PRKAR2B: variants seen among roughly 807,000 people sequenced by gnomAD.
The protein encoded by PRKAR2B is cAMP-dependent protein kinase type II-beta regulatory subunit.
Under a neutral mutation model 49.9 loss-of-function variants are expected in PRKAR2B, and 14 were observed. That is an observed-to-expected ratio of 0.28 (90% confidence interval 0.19 to 0.44). The LOEUF (loss-of-function observed/expected upper bound fraction) is 0.44. Ranked by LOEUF, PRKAR2B falls within the 20% of genes least tolerant of loss-of-function variation. PRKAR2B has a pLI of 1.00. For synonymous variants in PRKAR2B, 196 were observed against 197.7 expected (o/e 0.99, Z 0.07); for missense variants, 393 against 537.9 (o/e 0.73, Z 2.67).
At chr7:107,091,235 T>A (rs1337680327) in intron 2 of PRKAR2B, among the ~76,000 whole-genome samples, 1 of 152,198 alleles carries the variant, frequency 6.6e-6, no homozygotes, top group Non-Finnish European at 1.5e-5. Flanking sequence ...AGAGATAGTT[T>A]TATATGTGGT....
chr7:107,128,411 G>A (rs1378845523), intron 4 of PRKAR2B, 116 bp downstream of exon 4: 8 of 666,072 alleles, frequency 1.2e-5, no homozygotes, highest in Admixed American at 2.9e-5. Context: ...CTGGGGTGAT[G>A]GTAAAGGCCC....
chr7:107,126,450 A>G (rs1430290892), intron 3 of PRKAR2B, among the ~76,000 whole-genome samples: 3 of 149,998 alleles, frequency 2.0e-5, no homozygotes, highest in African/African-American at 7.4e-5. Context: ...AAAAGTCGTC[A>G]TTGGTACGAG....
intron 1 of PRKAR2B, among the ~76,000 whole-genome samples, chr7:107,048,359 AT>A (rs1463853561): frequency 1.3e-5 from 2 of 151,964 alleles, no homozygotes; most frequent in Admixed American, 6.5e-5. Context: ...CTTAAATGGA[AT>A]TTGTTCTGTG....
intron 1 of PRKAR2B, among the ~76,000 whole-genome samples, chr7:107,055,102 G>A (rs1793886312): frequency 6.6e-6 from 1 of 152,078 alleles, no homozygotes; most frequent in Non-Finnish European, 1.5e-5. Flanking sequence ...TGAGAATGAT[G>A]GTTTCCAGCT....
intron 3 of PRKAR2B, among the ~76,000 whole-genome samples, chr7:107,126,267 A>G (rs1314035425): frequency 6.8e-6 from 1 of 148,042 alleles, no homozygotes; most frequent in Non-Finnish European, 1.5e-5. Context: ...AAAAAAAAAA[A>G]AACCAAAGCC....
chr7:107,141,362 T>G (rs1795787173), intron 5 of PRKAR2B, among the ~76,000 whole-genome samples: 1 of 152,242 alleles, frequency 6.6e-6, no homozygotes, highest in Admixed American at 6.5e-5. Flanking sequence ...AGGTTCTTTT[T>G]TTATAAACTG....
intron 3 of PRKAR2B, among the ~76,000 whole-genome samples, chr7:107,122,294 C>T (rs2237656): frequency 0.39 from 59,836 of 151,968 alleles, 14,456 homozygotes; most frequent in Non-Finnish European, 0.51. Context: ...GACAGTGTTT[C>T]TAGTAAACAA....
At chr7:107,101,979 G>A (rs1794976281) in intron 2 of PRKAR2B, among the ~76,000 whole-genome samples, 1 of 144,900 alleles carries the variant, frequency 6.9e-6, no homozygotes. Context: ...TGCTTCTAAA[G>A]ATAGTTTTCA....
intron 4 of PRKAR2B, among the ~76,000 whole-genome samples, chr7:107,138,850 A>AT (rs1164752119): frequency 2.0e-5 from 3 of 151,690 alleles, no homozygotes; most frequent in Non-Finnish European, 2.9e-5. Flanking sequence ...TGCCCAGCTT[A>AT]TTTTTTTTGG....
intron 2 of PRKAR2B, among the ~76,000 whole-genome samples, chr7:107,090,273 G>A (rs1407020998): frequency 6.6e-6 from 1 of 152,154 alleles, no homozygotes; most frequent in Admixed American, 6.6e-5. Flanking sequence ...CTTGCGGCCA[G>A]CTACTTGCTC....
At chr7:107,086,223 A>G (rs912539684) in intron 2 of PRKAR2B, among the ~76,000 whole-genome samples, 9 of 152,010 alleles carry the variant, frequency 5.9e-5, no homozygotes, top group African/African-American at 1.9e-4. Context: ...CTGAGGTTCA[A>G]TGGCTTTGAG....
intron 2 of PRKAR2B, among the ~76,000 whole-genome samples, chr7:107,106,873 G>A (rs1341684334): frequency 6.6e-6 from 1 of 152,050 alleles, no homozygotes; most frequent in Non-Finnish European, 1.5e-5. Flanking sequence ...AGGATATCTG[G>A]TGTGGCTTCT....
chr7:107,138,923 C>T (rs976851241), intron 4 of PRKAR2B, among the ~76,000 whole-genome samples: 2 of 152,110 alleles, frequency 1.3e-5, no homozygotes, highest in African/African-American at 2.4e-5. Context: ...AAGCAATCTG[C>T]CTGCCTTGGC....
intron 1 of PRKAR2B, among the ~76,000 whole-genome samples, chr7:107,058,734 A>G (rs750416337): frequency 6.6e-6 from 1 of 152,252 alleles, no homozygotes; most frequent in Non-Finnish European, 1.5e-5. Flanking sequence ...TTGTAAAAAG[A>G]ATATTTTATG....
At chr7:107,124,628 C>T (rs1795452272) in intron 3 of PRKAR2B, among the ~76,000 whole-genome samples, 1 of 152,176 alleles carries the variant, frequency 6.6e-6, no homozygotes, top group African/African-American at 2.4e-5. Flanking sequence ...CCCTGTTGGC[C>T]AGGCTGGTCT....
chr7:107,104,532 C>G (rs900678312), intron 2 of PRKAR2B, among the ~76,000 whole-genome samples: 1 of 152,042 alleles, frequency 6.6e-6, no homozygotes, highest in Non-Finnish European at 1.5e-5. Context: ...AATTAAGGAC[C>G]TGTATTGTAT....
chr7:107,159,400 G>A lies in PRKAR2B; in HGVS notation c.1124-49G>A, dbSNP rs1796155065. The A allele has an allele frequency of 3.1e-6, 5 of 1,594,178 alleles. No homozygotes were observed. The East Asian group carries it at 1.1e-4, about 36-fold the overall frequency. On this transcript the variant is annotated intron_variant, in intron 10 of 10. Coordinates refer to ENST00000265717, the MANE Select transcript of PRKAR2B (RefSeq NM_002736.3). ...GTATTGTAAATGACTTAGAAATTCT[G>A]CAGATTTGCAAAGAATGTTATTTAA... is the stretch of plus-strand genomic sequence containing the variant.
At chr7:107,100,480 T>C (rs1386096952) in intron 2 of PRKAR2B, among the ~76,000 whole-genome samples, 1 of 152,230 alleles carries the variant, frequency 6.6e-6, no homozygotes, top group Non-Finnish European at 1.5e-5. Flanking sequence ...ATGGATTTCA[T>C]TGTGTTTATT....
chr7:107,058,086 T>G (rs771269381), intron 1 of PRKAR2B, among the ~76,000 whole-genome samples: 6 of 151,538 alleles, frequency 4.0e-5, no homozygotes, highest in Non-Finnish European at 8.8e-5. Context: ...AAAGATGGGA[T>G]AAAGCTTTGC....
Sources: gnomAD v4.1 joint callset for allele counts (sites outside exome capture counted in the v4.1 genomes callset) on GRCh38, gnomAD v4.1.1 for gene constraint, MANE v1.5 for transcripts, NCBI Gene and HGNC (gene_info 2026-07-23, HGNC 2026-07-21) for gene names.